The following BACH2 variants were observed in gnomAD, a reference collection of about 807,000 sequenced individuals.
The protein encoded by BACH2 is transcription regulator protein BACH2.
BACH2 carries 5 observed loss-of-function variants against 61.8 expected under a neutral mutation model. That is an observed-to-expected ratio of 0.08 (90% CI 0.04 to 0.17). The LOEUF (loss-of-function observed/expected upper bound fraction) is 0.17. BACH2 is among the 10% of genes least tolerant of loss of function. The probability of loss-of-function intolerance (pLI) is 1.00; values close to 1 mark genes in which losing one functional copy is unlikely to be tolerated. For synonymous variants in BACH2, 446 were observed against 440.1 expected (o/e 1.01, Z -0.17); for missense variants, 824 against 1,091.1 (o/e 0.76, Z 3.45).
chr6:90,132,169 A>C (rs183598582), intron 4 of BACH2, among the ~76,000 whole-genome samples: 1 of 152,180 alleles, frequency 6.6e-6, no homozygotes, highest in African/African-American at 2.4e-5. Flanking sequence ...GACTCATCCA[A>C]AGAGTGTAAA....
Position 90,253,860 on chromosome 6 carries a change from T to TAC in BACH2, c.-352-1272_-352-1271dup, listed in dbSNP as rs1280950178. On this transcript the variant is annotated intron_variant, in intron 2 of 8. Transcript: ENST00000257749. ...CTTCTCTCTGCTCAAATGCAGTATG[T>TAC]ACATAGTCATAAATGAAAACATCAT... Among the ~76,000 whole-genome samples the TAC allele has an allele frequency of 3.3e-5, 5 of 152,208 alleles. 1 individual carries two copies. In the South Asian group the frequency reaches 1.0e-3, roughly 32 times the overall value.
At chr6:90,157,442 T>G (rs1363745380) in intron 4 of BACH2, among the ~76,000 whole-genome samples, 1 of 152,224 alleles carries the variant, frequency 6.6e-6, no homozygotes, top group Admixed American at 6.5e-5. Flanking sequence ...AAACTTTGAA[T>G]TGACCTAAAC....
chr6:89,966,185 C>A (rs937642989), intron 6 of BACH2, among the ~76,000 whole-genome samples: 1 of 152,178 alleles, frequency 6.6e-6, no homozygotes, highest in African/African-American at 2.4e-5. Flanking sequence ...TCTCTTTCAT[C>A]TAAGTCCTTT....
chr6:90,205,292 C>A (rs1417895230), intron 4 of BACH2, among the ~76,000 whole-genome samples: 2 of 152,206 alleles, frequency 1.3e-5, no homozygotes, highest in Admixed American at 1.3e-4. Flanking sequence ...CCCACAATAA[C>A]ACACCTGTTT....
intron 3 of BACH2, among the ~76,000 whole-genome samples, chr6:90,226,103 G>C (rs1404971781): frequency 6.6e-6 from 1 of 152,180 alleles, no homozygotes; most frequent in African/African-American, 2.4e-5. Flanking sequence ...AGTGGGTCTA[G>C]GATGTTCTAC....
chr6:90,060,195 A>G (rs1167680617), intron 5 of BACH2, among the ~76,000 whole-genome samples: 4 of 151,856 alleles, frequency 2.6e-5, no homozygotes, highest in East Asian at 3.8e-4. Flanking sequence ...TCACTTAAAA[A>G]AAAAGAAAAA....
chr6:89,997,283 G>A (rs4707584), intron 6 of BACH2, among the ~76,000 whole-genome samples: 126,132 of 152,194 alleles, frequency 0.83, 52,410 homozygotes, highest in East Asian at 1. Flanking sequence ...AACACCTTGT[G>A]AATTGAATGC....
intron 5 of BACH2, among the ~76,000 whole-genome samples, chr6:90,049,986 T>G (rs895114098): frequency 1.3e-5 from 2 of 152,130 alleles, no homozygotes; most frequent in Non-Finnish European, 2.9e-5. Flanking sequence ...ACAAGGTGAG[T>G]GAGCTGTCAC....
intron 4 of BACH2, among the ~76,000 whole-genome samples, chr6:90,140,975 T>C (rs1784439261): frequency 6.6e-6 from 1 of 152,154 alleles, no homozygotes; most frequent in African/African-American, 2.4e-5. Flanking sequence ...AGGTTACTTA[T>C]CATAGTAAGG....
rs1393834853 is a variant in BACH2, at chr6:89,951,666, G to A, written c.440C>T (p.Ala147Val). The change falls in exon 7 of 9, where the codon GCT becomes GTT. Residue 147 changes from alanine to valine, a missense_variant. Physicochemically the swap from Ala to Val is moderately conservative, Grantham distance 64. This residue lies in a region of BACH2 where 107 missense variants were observed against 121.7 expected (regional missense o/e 0.88). Transcript: ENST00000257749. The surrounding 1 kb of genome is among the most constrained non-coding windows in gnomAD (Gnocchi z 6.4). ...GTCCTCGTGTGGGCGCTGGCACGCAGCATCCTTCCGGCACACAAACAGGCC... is the reference window on the plus strand; with the variant it reads ...GTCCTCGTGTGGGCGCTGGCACGCAACATCCTTCCGGCACACAAACAGGCC... ...EDGLFVCRKDAACQRPHEDCE... is the reference protein window; with the variant it reads ...EDGLFVCRKDVACQRPHEDCE... 2.5e-6 allele frequency: 4 copies of A among 1,614,224 alleles called. No individual in the cohort carries two copies. The highest frequency in any genetic ancestry group is 3.4e-6 in the Non-Finnish European group (4 of 1,180,046).
At chr6:90,002,103 AT>A (rs1388689054) in intron 6 of BACH2, among the ~76,000 whole-genome samples, 1 of 152,124 alleles carries the variant, frequency 6.6e-6, no homozygotes, top group Non-Finnish European at 1.5e-5. Flanking sequence ...AGTCAGCATC[AT>A]TTGACCTAGT....
In BACH2 at chr6:90,193,608, A is replaced by G. The variant is rs57589975; in HGVS notation, c.-162+12961T>C. 1.4e-3 allele frequency among the ~76,000 whole-genome samples: 208 copies of G among 152,334 alleles called. 8 individuals are homozygous for G. The East Asian group carries it at 0.036, about 26-fold the overall frequency. ...CAGACAAAATAGATGGTGAGGCCAG[A>G]AGACGGAAGGCACCTGAGTTCAGGA... On this transcript the variant is annotated intron_variant, in intron 4 of 8. Coordinates refer to ENST00000257749, the MANE Select transcript of BACH2 (RefSeq NM_021813.4).
At chr6:89,973,302 A>G (rs966672673) in intron 6 of BACH2, among the ~76,000 whole-genome samples, 1 of 152,192 alleles carries the variant, frequency 6.6e-6, no homozygotes, top group African/African-American at 2.4e-5. Flanking sequence ...ATGAGCTAGT[A>G]TAATGTGAGA....
chr6:90,260,517 T>C (rs1284554945), intron 2 of BACH2, among the ~76,000 whole-genome samples: 1 of 152,218 alleles, frequency 6.6e-6, no homozygotes, highest in Non-Finnish European at 1.5e-5. Flanking sequence ...CTTTACATTC[T>C]GCTGCTGTTG....
intron 6 of BACH2, among the ~76,000 whole-genome samples, chr6:89,986,297 G>A (rs1582144500): frequency 2.0e-5 from 3 of 151,860 alleles, no homozygotes; most frequent in African/African-American, 7.3e-5. Context: ...TTCTCCTAGG[G>A]ACGCTGGCCC....
chr6:90,227,484 A>G (rs1401855856), intron 3 of BACH2, among the ~76,000 whole-genome samples: 5 of 152,164 alleles, frequency 3.3e-5, no homozygotes, highest in Admixed American at 1.3e-4. Flanking sequence ...ACTTGCTCAC[A>G]TGTTCTAATT....
intron 3 of BACH2, among the ~76,000 whole-genome samples, chr6:90,214,978 C>T (rs1769483146): frequency 6.6e-6 from 1 of 152,070 alleles, no homozygotes; most frequent in South Asian, 2.1e-4. Context: ...TGGTTTCAAA[C>T]TCCTGGGCTC....
At chr6:90,022,321 T>A (rs1308106551) in intron 5 of BACH2, among the ~76,000 whole-genome samples, 1 of 152,218 alleles carries the variant, frequency 6.6e-6, no homozygotes, top group Non-Finnish European at 1.5e-5. Flanking sequence ...CGGTGGCTCA[T>A]GCCTGTAATC....
chr6:90,179,983 C>T (rs914163245), intron 4 of BACH2, among the ~76,000 whole-genome samples: 8 of 151,990 alleles, frequency 5.3e-5, no homozygotes, highest in Non-Finnish European at 8.8e-5. Context: ...ATATTATGCA[C>T]CCATTAAAAA....
Sources: gnomAD v4.1 joint callset for allele counts (sites outside exome capture counted in the v4.1 genomes callset) on GRCh38, gnomAD v4.1.1 for gene constraint, gnomAD v4.1.1 regional missense constraint, Gnocchi (gnomAD v3.1) non-coding constraint, MANE v1.5 for transcripts, NCBI Gene and HGNC (gene_info 2026-07-23, HGNC 2026-07-21) for gene names.